The following CNTNAP2 variants were observed in gnomAD, a reference collection of about 807,000 sequenced individuals.
The protein encoded by CNTNAP2 is contactin-associated protein-like 2.
In CNTNAP2, 98 loss-of-function variants were observed where a neutral mutation model predicts 155.2. The ratio of observed to expected loss-of-function variants is 0.63; its 90% confidence interval spans 0.54 to 0.75. The LOEUF is 0.75. Among genes scored for constraint, CNTNAP2 ranks in the 30% least tolerant of loss-of-function variants. The pLI, the probability that CNTNAP2 is intolerant of heterozygous loss-of-function variation, is 0.00. For missense variants in CNTNAP2, 1,727 were observed against 1,688.1 expected, an observed-to-expected ratio of 1.02 and a Z score of -0.40; for synonymous variants, 651 against 631.2, an observed-to-expected ratio of 1.03 and a Z score of -0.47.
At chr7:147,425,651 C>A (rs1176167965) in intron 10 of CNTNAP2, among the ~76,000 whole-genome samples, 1 of 152,086 alleles carries the variant, frequency 6.6e-6, no homozygotes, top group African/African-American at 2.4e-5. Flanking sequence ...GATAACAATT[C>A]TCATTTTTGT....
Position 147,791,160 on chromosome 7 carries a change from T to C in CNTNAP2, c.2099-112405T>C, listed in dbSNP as rs1483476039. Among the ~76,000 whole-genome samples, 4 of 152,316 alleles carry C rather than the reference T, an allele frequency of 2.6e-5. No individual in the cohort carries two copies. The East Asian group carries it at 7.7e-4, about 29-fold the overall frequency. ...CCTTTTCCATTTTATTTTGTTCATT[T>C]TTTTCTCATTTGTCCTAGATGCCTC... On this transcript the variant is annotated intron_variant, in intron 13 of 23. Coordinates refer to ENST00000361727, the MANE Select transcript of CNTNAP2 (RefSeq NM_014141.6).
intron 1 of CNTNAP2, among the ~76,000 whole-genome samples, chr7:146,622,221 GTGTA>G (rs1314708458): frequency 1.7e-4 from 25 of 148,720 alleles, no homozygotes; most frequent in African/African-American, 6.2e-4. Flanking sequence ...ACACGTGTGT[GTGTA>G]TATATATATG....
intron 15 of CNTNAP2, among the ~76,000 whole-genome samples, chr7:148,104,982 CT>C (rs1160234133): frequency 6.6e-6 from 1 of 152,132 alleles, no homozygotes; most frequent in African/African-American, 2.4e-5. Flanking sequence ...AAAAAACACA[CT>C]ATTTTCATTT....
intron 9 of CNTNAP2, among the ~76,000 whole-genome samples, chr7:147,387,715 T>C (rs1796646162): frequency 6.6e-6 from 1 of 152,200 alleles, no homozygotes; most frequent in South Asian, 2.1e-4. Flanking sequence ...ACAATCCAAT[T>C]ACATTGTTTG....
chr7:147,368,049 C>T (rs1222117069), intron 9 of CNTNAP2, among the ~76,000 whole-genome samples: 2 of 97,230 alleles, frequency 2.1e-5, no homozygotes, highest in Non-Finnish European at 4.2e-5. Context: ...CCCCCTCCCT[C>T]CCTCCCTTCC....
chr7:146,889,696 G>T (rs1452833493), intron 3 of CNTNAP2, among the ~76,000 whole-genome samples: 1 of 151,890 alleles, frequency 6.6e-6, no homozygotes, highest in Non-Finnish European at 1.5e-5. Flanking sequence ...ACAATACCTT[G>T]TTCTTCATCA....
intron 14 of CNTNAP2, among the ~76,000 whole-genome samples, chr7:147,961,960 A>C (rs1801126678): frequency 6.6e-6 from 1 of 152,220 alleles, no homozygotes; most frequent in Admixed American, 6.5e-5. Flanking sequence ...TAGGAAAGGC[A>C]ACAGAAAAGT....
chr7:147,598,092 G>C (rs1800861481), intron 12 of CNTNAP2, among the ~76,000 whole-genome samples: 1 of 152,030 alleles, frequency 6.6e-6, no homozygotes, highest in Admixed American at 6.5e-5. Context: ...CCAAACCCCT[G>C]TGGGGTAATT....
At chr7:147,998,046 A>G (rs1801836674) in intron 15 of CNTNAP2, among the ~76,000 whole-genome samples, 2 of 143,332 alleles carry the variant, frequency 1.4e-5, no homozygotes, top group Admixed American at 1.4e-4. Context: ...GGCTTATTGT[A>G]TTGACTGTGT....
At chr7:147,611,785 A>G (rs2116877995) in intron 12 of CNTNAP2, among the ~76,000 whole-genome samples, 1 of 152,302 alleles carries the variant, frequency 6.6e-6, no homozygotes, top group East Asian at 1.9e-4. Flanking sequence ...TGCTGATGCT[A>G]CCTGAACTGC....
intron 9 of CNTNAP2, among the ~76,000 whole-genome samples, chr7:147,346,016 AAG>A (rs1278744657): frequency 6.6e-6 from 1 of 152,226 alleles, no homozygotes; most frequent in Non-Finnish European, 1.5e-5. Context: ...CGAAATTTGA[AAG>A]AAATATTTTT....
At chr7:147,033,217 A>AT (rs1563051622) in intron 3 of CNTNAP2, among the ~76,000 whole-genome samples, 1 of 134,710 alleles carries the variant, frequency 7.4e-6, no homozygotes. Flanking sequence ...ATATGTTGGC[A>AT]TGTCTCACAA....
chr7:146,216,531 C>T (rs1017049791), intron 1 of CNTNAP2, among the ~76,000 whole-genome samples: 4 of 152,100 alleles, frequency 2.6e-5, no homozygotes, highest in East Asian at 1.9e-4. Context: ...AAGCAACTGC[C>T]GATCAGCAGA....
At position 146,885,372 on chromosome 7, in the gene CNTNAP2, A is replaced by G. The variant is rs73461451; in HGVS notation, c.402+45468A>G. Among the ~76,000 whole-genome samples the G allele has an allele frequency of 2.2e-3, 340 of 152,268 alleles. 1 individual carries two copies. Among genetic ancestry groups the G allele is most frequent in the African/African-American group, 7.7e-3 (322 of 41,566 alleles). On this transcript the variant is annotated intron_variant, in intron 3 of 23. Transcript: ENST00000361727. ...GAGAATACCAGGGATCCAGTAGTCT[A>G]ATGTAAATAATAATATAGGGGAATG...
chr7:148,228,698 T>G (rs568455785), intron 19 of CNTNAP2, among the ~76,000 whole-genome samples: 60 of 128,540 alleles, frequency 4.7e-4, no homozygotes, highest in Non-Finnish European at 6.8e-4. Flanking sequence ...CGTGGTAGCG[T>G]GCGCCTGTAG....
chr7:146,935,964 G>A (rs1273331942), intron 3 of CNTNAP2, among the ~76,000 whole-genome samples: 1 of 152,122 alleles, frequency 6.6e-6, no homozygotes, highest in East Asian at 1.9e-4. Flanking sequence ...GCTCTCAAAG[G>A]TTTTAAATGT....
chr7:147,395,401 C>T (rs1355390028), intron 9 of CNTNAP2, among the ~76,000 whole-genome samples: 1 of 151,984 alleles, frequency 6.6e-6, no homozygotes, highest in Non-Finnish European at 1.5e-5. Flanking sequence ...TACCTGGTAA[C>T]CCATTACAAT....
chr7:148,206,434 A>G (rs1010743298), intron 18 of CNTNAP2, among the ~76,000 whole-genome samples: 2 of 152,048 alleles, frequency 1.3e-5, no homozygotes, highest in African/African-American at 4.8e-5. Context: ...GGAGTTATTC[A>G]TACTATTTTT....
chr7:146,361,724 C>T (rs1466894907), intron 1 of CNTNAP2, among the ~76,000 whole-genome samples: 1 of 152,122 alleles, frequency 6.6e-6, no homozygotes, highest in East Asian at 1.9e-4. Context: ...ATCTGATTGG[C>T]AAGCTAAAGC....
Sources: gnomAD v4.1 joint callset for allele counts (sites outside exome capture counted in the v4.1 genomes callset) on GRCh38, gnomAD v4.1.1 for gene constraint, MANE v1.5 for transcripts, NCBI Gene and HGNC (gene_info 2026-07-23, HGNC 2026-07-21) for gene names.